COL25A1: variants seen among roughly 807,000 people sequenced by gnomAD.
COL25A1 encodes collagen type XXV alpha 1 chain.
In COL25A1, 103 loss-of-function variants were observed where a neutral mutation model predicts 128.4. The observed-to-expected ratio is 0.80, with a 90% confidence interval of 0.68 to 0.94. The LOEUF (loss-of-function observed/expected upper bound fraction) is 0.94, where lower values mean the gene tolerates loss of function less well. Ranked by LOEUF, COL25A1 falls within the 40% of genes least tolerant of loss-of-function variation. The pLI is 0.00. For missense variants in COL25A1, 745 were observed against 840.0 expected (o/e 0.89, Z 1.40); for synonymous variants, 279 against 277.2 (o/e 1.01, Z -0.06).
At chr4:109,135,857 T>C (rs2126076317) in intron 3 of COL25A1, among the ~76,000 whole-genome samples, 2 of 152,334 alleles carry the variant, frequency 1.3e-5, no homozygotes, top group East Asian at 1.9e-4. Flanking sequence ...GGTAGCTCTC[T>C]GACAGATCCA....
At chr4:108,905,095 A>G (rs1743319042) in intron 13 of COL25A1, among the ~76,000 whole-genome samples, 1 of 152,168 alleles carries the variant, frequency 6.6e-6, no homozygotes, top group Non-Finnish European at 1.5e-5. Context: ...AATATTGTTC[A>G]TCATCACTTC....
chr4:109,205,185 G>C (rs963575553), intron 3 of COL25A1, among the ~76,000 whole-genome samples: 9 of 152,174 alleles, frequency 5.9e-5, no homozygotes, highest in African/African-American at 2.2e-4. Flanking sequence ...AAAGCATGCT[G>C]AATAACATTG....
chr4:109,185,130 G>T (rs1775018691), intron 3 of COL25A1, among the ~76,000 whole-genome samples: 1 of 152,158 alleles, frequency 6.6e-6, no homozygotes, highest in South Asian at 2.1e-4. Flanking sequence ...GGCTAGCTTT[G>T]CTTTTTCCCT....
chr4:108,905,613 T>C (rs1743392347), intron 13 of COL25A1, among the ~76,000 whole-genome samples: 2 of 151,842 alleles, frequency 1.3e-5, no homozygotes, highest in Admixed American at 1.3e-4. Flanking sequence ...AAATTACATA[T>C]GCAGTTTGTA....
rs1051357815 is a variant in COL25A1 at position 108,901,234 on chromosome 4, C to A, written c.781-62G>T. 3 of 1,110,858 alleles carry A rather than the reference C, an allele frequency of 2.7e-6. No individual in the cohort carries two copies. The African/African-American group carries it at 4.6e-5, about 17-fold the overall frequency. 68.8% of individuals were successfully genotyped at this position (1,110,858 alleles called of 1,614,324 possible). ...GACAAAATCAATACATTACATGGATCATTAGAGGAGACAGCCATCTAATAA... is the reference window on the plus strand; with the variant it reads ...GACAAAATCAATACATTACATGGATAATTAGAGGAGACAGCCATCTAATAA... On this transcript the variant is annotated intron_variant, in intron 13 of 37. Coordinates refer to ENST00000399132, the MANE Select transcript of COL25A1 (RefSeq NM_198721.4).
chr4:109,132,756 T>C lies in COL25A1; in HGVS notation c.368-82577A>G, dbSNP rs532394130. On this transcript the variant is annotated intron_variant, in intron 3 of 37. Transcript: ENST00000399132. ...TTTTTTATTTTCAGGAGATAAAAGA[T>C]TGGAAAGAATAATTTTCAAAGACAC... 4.3e-4 allele frequency among the ~76,000 whole-genome samples: 66 copies of C among 152,210 alleles called. 1 individual carries two copies. The highest frequency in any genetic ancestry group is 1.5e-3 in the African/African-American group (63 of 41,568).
intron 18 of COL25A1, among the ~76,000 whole-genome samples, chr4:108,886,207 T>A (rs1031793497): frequency 1.3e-5 from 2 of 152,212 alleles, no homozygotes; most frequent in African/African-American, 2.4e-5. Context: ...TGTTTATTAG[T>A]TGATATGATG....
intron 3 of COL25A1, among the ~76,000 whole-genome samples, chr4:109,123,563 ATAAAG>A (rs79437922): frequency 0.095 from 14,405 of 152,064 alleles, 823 homozygotes; most frequent in East Asian, 0.27. Context: ...AATACAAACC[ATAAAG>A]TAAACTGAAC....
chr4:109,145,066 G>A (rs1295087542), intron 3 of COL25A1, among the ~76,000 whole-genome samples: 3 of 133,522 alleles, frequency 2.2e-5, no homozygotes, highest in South Asian at 5.2e-4. Flanking sequence ...TAAAACCTCA[G>A]CTTTTTTTTT....
At chr4:108,988,613 C>T (rs1332875153) in intron 6 of COL25A1, among the ~76,000 whole-genome samples, 1 of 152,150 alleles carries the variant, frequency 6.6e-6, no homozygotes, top group Non-Finnish European at 1.5e-5. Flanking sequence ...CTCCTGTTTC[C>T]CTCCTCCCTG....
intron 32 of COL25A1, among the ~76,000 whole-genome samples, chr4:108,830,743 C>T (rs183312349): frequency 3.5e-4 from 54 of 152,352 alleles, no homozygotes; most frequent in African/African-American, 1.2e-3. Context: ...GTGGAGCTAT[C>T]GGAAGTAGCA....
At chr4:108,854,600 CAT>C (rs1388282070) in intron 24 of COL25A1, among the ~76,000 whole-genome samples, 2 of 152,042 alleles carry the variant, frequency 1.3e-5, no homozygotes, top group East Asian at 3.9e-4. Context: ...AGCCAACAAA[CAT>C]ATGAAAAAAA....
chr4:109,032,488 G>A (rs1321256909), intron 5 of COL25A1, among the ~76,000 whole-genome samples: 1 of 152,166 alleles, frequency 6.6e-6, no homozygotes, highest in Non-Finnish European at 1.5e-5. Context: ...TACTTTCCAA[G>A]CAATTGGAAA....
intron 31 of COL25A1, chr4:108,834,500 G>A (rs1054669531): frequency 3.7e-5 from 34 of 926,428 alleles, no homozygotes; most frequent in Middle Eastern, 4.2e-4. Flanking sequence ...AACATAATAC[G>A]CAGTTACAGG....
At chr4:109,139,807 A>T (rs1304743685) in intron 3 of COL25A1, among the ~76,000 whole-genome samples, 2 of 151,780 alleles carry the variant, frequency 1.3e-5, no homozygotes, top group Non-Finnish European at 2.9e-5. Context: ...ATATCTCCTA[A>T]TGCTATCCCA....
At chr4:109,246,151 T>C (rs1780254150) in intron 3 of COL25A1, among the ~76,000 whole-genome samples, 1 of 151,956 alleles carries the variant, frequency 6.6e-6, no homozygotes, top group African/African-American at 2.4e-5. Flanking sequence ...ATACTTCAAA[T>C]TCCTAAGGCT....
At position 108,882,243 on chromosome 4, in the gene COL25A1, A is replaced by G. The variant is rs114255418; in HGVS notation, c.1020+1935T>C. Among the ~76,000 whole-genome samples, 1,449 of 147,736 alleles carry G rather than the reference A, an allele frequency of 9.8e-3. 27 individuals carry two copies. Among genetic ancestry groups the G allele is most frequent in the African/African-American group, 0.033 (1,337 of 40,738 alleles). ...ATAAGACTAAAGTAAGATGATAAAT[A>G]GTATAATCAAAATTGCTTTTTTTTT... On this transcript the variant is annotated intron_variant, in intron 19 of 37. Coordinates refer to ENST00000399132, the MANE Select transcript of COL25A1 (RefSeq NM_198721.4).
chr4:109,107,328 T>C (rs2126032118), intron 3 of COL25A1, among the ~76,000 whole-genome samples: 1 of 152,312 alleles, frequency 6.6e-6, no homozygotes, highest in Admixed American at 6.5e-5. Context: ...AGGAGTTATT[T>C]TCCACAAAAT....
At chr4:108,845,656 C>A (rs1734995850) in intron 28 of COL25A1, among the ~76,000 whole-genome samples, 1 of 152,152 alleles carries the variant, frequency 6.6e-6, no homozygotes, top group Non-Finnish European at 1.5e-5. Flanking sequence ...GAGTTTACTG[C>A]ATTTTTTAAA....
Sources: gnomAD v4.1 joint callset for allele counts (sites outside exome capture counted in the v4.1 genomes callset) on GRCh38, gnomAD v4.1.1 for gene constraint, MANE v1.5 for transcripts, NCBI Gene and HGNC (gene_info 2026-07-23, HGNC 2026-07-21) for gene names.